Variants in ZRANB2 observed in about 807,000 individuals in gnomAD.
ZRANB2 encodes zinc finger Ran-binding domain-containing protein 2.
Under a neutral mutation model 53.4 loss-of-function variants are expected in ZRANB2, and 19 were observed. The ratio of observed to expected loss-of-function variants is 0.36; its 90% CI spans 0.25 to 0.52. The LOEUF is 0.52. Ranked by LOEUF, ZRANB2 falls within the 20% of genes least tolerant of loss-of-function variation. The probability of loss-of-function intolerance (pLI) is 0.93; values close to 1 mark genes in which losing one functional copy is unlikely to be tolerated. For missense variants in ZRANB2, 309 were observed against 401.1 expected, an observed-to-expected ratio of 0.77 and a Z score of 1.96; for synonymous variants, 145 against 134.8, an observed-to-expected ratio of 1.08 and a Z score of -0.52.
rs374626473 is a variant in ZRANB2 at position 71,081,014 on chromosome 1, A to G, written c.-19T>C. The G allele has an allele frequency of 7.9e-5, 127 of 1,613,968 alleles. No homozygotes were observed. The highest frequency in any genetic ancestry group is 1.1e-4 in the Non-Finnish European group (124 of 1,180,024). On this transcript the variant is annotated 5_prime_UTR_variant, in exon 1 of 10. Transcript: ENST00000370920. ...TCGACATCTTGAACGCCACCAGCAC[A>G]GCCACCCGCAGCTATGTCTTCACAG...
intron 1 of ZRANB2, among the ~76,000 whole-genome samples, chr1:71,078,914 C>T (rs1333511394): frequency 6.6e-6 from 1 of 152,112 alleles, no homozygotes; most frequent in Non-Finnish European, 1.5e-5. Flanking sequence ...ATATCCCAAT[C>T]CTCCATTTAC....
At chr1:71,071,530 A>G (rs1383961790) in intron 6 of ZRANB2, among the ~76,000 whole-genome samples, 1 of 152,160 alleles carries the variant, frequency 6.6e-6, no homozygotes, top group Non-Finnish European at 1.5e-5. Flanking sequence ...AGGTACCCTT[A>G]ACATGGCATA....
intron 7 of ZRANB2, among the ~76,000 whole-genome samples, chr1:71,070,276 C>CAAAG (rs1251136434): frequency 4.4e-4 from 3 of 6,778 alleles, no homozygotes; most frequent in Non-Finnish European, 2.4e-3. Context: ...TTTACATCAA[C>CAAAG]AAACAATATT....
intron 4 of ZRANB2, among the ~76,000 whole-genome samples, chr1:71,076,119 G>T (rs1387289097): frequency 6.6e-6 from 1 of 152,138 alleles, no homozygotes; most frequent in Non-Finnish European, 1.5e-5. Flanking sequence ...TGACATATAA[G>T]CAGTTGAAAG....
chr1:71,064,321 A>G lies in ZRANB2; in HGVS notation c.*753T>C, dbSNP rs1661370546. 6.6e-6 allele frequency: 1 copy of G among 152,140 alleles called. No homozygotes were observed. The highest frequency in any genetic ancestry group is 1.5e-5 in the Non-Finnish European group (1 of 67,886). The allele number at this position is 152,140 out of a possible 1,614,324, so 9.4% of individuals were successfully genotyped here. On this transcript the variant is annotated 3_prime_UTR_variant, in exon 10 of 10. Transcript: ENST00000370920. ...GTAACTACATTTGGAAGAATATCAC[A>G]CAAAGCTTCTTAAAACATTGGTAAA...
chr1:71,076,671 C>A (rs1337413834), intron 4 of ZRANB2, 124 bp downstream of exon 4: 2 of 731,074 alleles, frequency 2.7e-6, no homozygotes, highest in East Asian at 5.6e-5. Flanking sequence ...CAGTAACAAA[C>A]ATTCAGGGCA....
intron 4 of ZRANB2, among the ~76,000 whole-genome samples, chr1:71,073,117 G>A (rs1661630345): frequency 6.6e-6 from 1 of 152,072 alleles, no homozygotes; most frequent in Non-Finnish European, 1.5e-5. Flanking sequence ...CAGGTTCTCT[G>A]AAGTAGCCAG....
rs1478794619 is a variant in ZRANB2, at chr1:71,064,375, G to GT, written c.*698dup. The GT allele has an allele frequency of 6.6e-6, 1 of 152,234 alleles. No homozygotes were observed. The highest frequency in any genetic ancestry group is 1.5e-5 in the Non-Finnish European group (1 of 67,902). 9.4% of individuals were successfully genotyped at this position (152,234 alleles called of 1,614,324 possible). A position where few individuals can be genotyped will look rare whatever the true frequency, so the allele number is the denominator to read the frequency against. ...TTTGAGATGTCTTTATCAAGCAACC[G>GT]TATCAGCAGAGAAAAGATAAACTCT... On this transcript the variant is annotated 3_prime_UTR_variant, in exon 10 of 10. Transcript: ENST00000370920.
intron 4 of ZRANB2, among the ~76,000 whole-genome samples, chr1:71,074,665 T>A (rs76390504): frequency 1.7e-4 from 26 of 150,822 alleles, no homozygotes; most frequent in African/African-American, 3.4e-4. Context: ...GTTTTTTTTT[T>A]AAAAAAAAGC....
intron 3 of ZRANB2, 83 bp downstream of exon 3, chr1:71,078,374 C>G: frequency 8.5e-7 from 1 of 1,170,578 alleles, no homozygotes; most frequent in Non-Finnish European, 1.2e-6. Flanking sequence ...GTCAATGTCA[C>G]TAATAAGAGC....
At chr1:71,078,021 T>A (rs1661747473) in intron 3 of ZRANB2, among the ~76,000 whole-genome samples, 1 of 152,200 alleles carries the variant, frequency 6.6e-6, no homozygotes, top group Non-Finnish European at 1.5e-5. Context: ...TTAAGAAACC[T>A]ACCTATAATT....
In ZRANB2 at chr1:71,063,916, T is replaced by C. The variant is rs1047331891; in HGVS notation, c.*1158A>G. Reference sequence around the variant, plus strand: ...CCCCAAGCACAACTGTTGATTTCCTTTGATATACTTACCTTGCATTGTCAC... The same window carrying C: ...CCCCAAGCACAACTGTTGATTTCCTCTGATATACTTACCTTGCATTGTCAC... On this transcript the variant is annotated 3_prime_UTR_variant, in exon 10 of 10. Transcript: ENST00000370920. The C allele has an allele frequency of 4.6e-5, 7 of 152,408 alleles. No homozygotes were observed. The highest frequency in any genetic ancestry group is 1.2e-4 in the African/African-American group (5 of 41,442). 9.4% of individuals were successfully genotyped at this position (152,408 alleles called of 1,614,324 possible). A position where few individuals can be genotyped will look rare whatever the true frequency, so the allele number is the denominator to read the frequency against.
At chr1:71,080,569 A>C (rs1661817830) in intron 1 of ZRANB2, among the ~76,000 whole-genome samples, 1 of 148,816 alleles carries the variant, frequency 6.7e-6, no homozygotes, top group Non-Finnish European at 1.5e-5. Flanking sequence ...AAAGTTCTGC[A>C]GAGAAAAGTC....
Position 71,069,374 on chromosome 1 carries a change from T to G in ZRANB2, c.684-12A>C. 6.2e-7 allele frequency: 1 copy of G among 1,610,908 alleles called. No homozygotes were observed. Among genetic ancestry groups the G allele is most frequent in the Non-Finnish European group, 8.5e-7 (1 of 1,178,090 alleles). ...TTCTTGAACGGGACCTGGAACAACA[T>G]GGAACGATTTTTTTTTTCCAGGACC... On this transcript the variant is annotated splice_polypyrimidine_tract_variant and intron_variant, in intron 7 of 9. Transcript: ENST00000370920.
At chr1:71,065,835 G>A in intron 9 of ZRANB2, 1 of 1,571,616 alleles carries the variant, frequency 6.4e-7, no homozygotes, top group Middle Eastern at 1.7e-4. Context: ...AAAATTTGCA[G>A]AAGTGGTAAG....
At chr1:71,072,699 A>T (rs181819182) in intron 4 of ZRANB2, 151 bp from the exon 5 acceptor site, 78 of 586,924 alleles carry the variant, frequency 1.3e-4, no homozygotes, top group Middle Eastern at 1.1e-3. Context: ...AGCATATTAG[A>T]AATCACCACA....
intron 3 of ZRANB2, among the ~76,000 whole-genome samples, chr1:71,078,226 T>C (rs1305106969): frequency 6.6e-6 from 1 of 152,192 alleles, no homozygotes; most frequent in Admixed American, 6.5e-5. Flanking sequence ...TAAGCATTTG[T>C]TTACTGGTAT....
At chr1:71,078,996 T>G (rs1661772777) in intron 1 of ZRANB2, among the ~76,000 whole-genome samples, 1 of 152,210 alleles carries the variant, frequency 6.6e-6, no homozygotes, top group East Asian at 1.9e-4. Context: ...TATCATTAGT[T>G]ATAATCCCTT....
chr1:71,076,406 G>A (rs1661711499), intron 4 of ZRANB2, among the ~76,000 whole-genome samples: 1 of 152,150 alleles, frequency 6.6e-6, no homozygotes, highest in African/African-American at 2.4e-5. Flanking sequence ...CAGAATTACT[G>A]CCAAAGCTTT....
Sources: gnomAD v4.1 joint callset for allele counts (sites outside exome capture counted in the v4.1 genomes callset) on GRCh38, gnomAD v4.1.1 for gene constraint, MANE v1.5 for transcripts, NCBI Gene and HGNC (gene_info 2026-07-23, HGNC 2026-07-21) for gene names.